SRP54: variants seen among roughly 807,000 people sequenced by gnomAD.
SRP54 encodes the protein signal recognition particle subunit SRP54.
A neutral mutation model predicts 64.8 loss-of-function variants in SRP54; 10 were observed. The observed-to-expected ratio is 0.15, with a 90% CI of 0.10 to 0.26. The LOEUF (loss-of-function observed/expected upper bound fraction) is 0.26. Ranked by LOEUF, SRP54 falls within the 10% of genes least tolerant of loss-of-function variation. SRP54 has a pLI of 1.00. For synonymous variants in SRP54, 193 were observed against 185.6 expected, an observed-to-expected ratio of 1.04 and a Z score of -0.32; for missense variants, 325 against 613.7, an observed-to-expected ratio of 0.53 and a Z score of 4.97.
Position 34,999,812 on chromosome 14 carries a change from C to T in SRP54, c.170+163C>T, listed in dbSNP as rs763984538. 4.8e-5 allele frequency: 23 copies of T among 483,926 alleles called. 1 individual carries two copies. The South Asian group carries it at 6.4e-4, about 13-fold the overall frequency. The allele number at this position is 483,926 out of a possible 1,614,324, so 30.0% of individuals were successfully genotyped here. On this transcript the variant is annotated intron_variant, in intron 3 of 15. Transcript: ENST00000216774. ...ATGTTGGGCGAGAGCATGTGTAGTA[C>T]GTTTCCATAATGATGGTTCAAAGAA...
rs1247901563 is a variant in SRP54, at chr14:35,011,359, G to C, written c.486-150G>C. The C allele has an allele frequency of 2.1e-5, 10 of 470,352 alleles. No individual in the cohort carries two copies. In the East Asian group the frequency reaches 3.6e-4, roughly 17 times the overall value. The allele number at this position is 470,352 out of a possible 1,614,324, so 29.1% of individuals were successfully genotyped here. A position where few individuals can be genotyped will look rare whatever the true frequency, so the allele number is the denominator to read the frequency against. ...TCATGCTTTTTTAGAAGTAGATTCT[G>C]TATTTAATACTTTATAGATTTTCCT... On this transcript the variant is annotated intron_variant, in intron 7 of 15. Coordinates refer to ENST00000216774, the MANE Select transcript of SRP54 (RefSeq NM_003136.4).
intron 11 of SRP54, among the ~76,000 whole-genome samples, chr14:35,015,264 A>C (rs149678412): frequency 6.6e-6 from 1 of 151,892 alleles, no homozygotes; most frequent in African/African-American, 2.4e-5. Context: ...TTTAGTAGAG[A>C]TGGGTTTTGC....
chr14:35,007,612 AAT>A (rs2044280640), intron 5 of SRP54, among the ~76,000 whole-genome samples: 1 of 138,752 alleles, frequency 7.2e-6, no homozygotes, highest in Admixed American at 7.6e-5. Flanking sequence ...ATTTACATAA[AAT>A]ATATTTTATT....
intron 7 of SRP54, among the ~76,000 whole-genome samples, chr14:35,009,357 C>CTTTTTTTTTTTTTTTTTTTTTTTTT (rs1555354421): frequency 6.6e-6 from 1 of 150,618 alleles, no homozygotes; most frequent in African/African-American, 2.4e-5. Flanking sequence ...CACACATGTT[C>CTTTTTTTTTTTTTTTTTTTTTTTTT]TTATTAAGTG....
intron 1 of SRP54, among the ~76,000 whole-genome samples, chr14:34,991,088 T>TG (rs2043967705): frequency 6.6e-6 from 1 of 151,232 alleles, no homozygotes; most frequent in Non-Finnish European, 1.5e-5. Context: ...TCCCTGCCCT[T>TG]GTGCAGGTTA....
intron 10 of SRP54, among the ~76,000 whole-genome samples, chr14:35,014,364 G>A (rs945398664): frequency 2.7e-5 from 4 of 149,792 alleles, no homozygotes; most frequent in African/African-American, 4.9e-5. Context: ...TGCACCTTCA[G>A]CCTCCCGGGT....
rs1400579593 is a variant in SRP54 at position 35,013,376 on chromosome 14, G to A, written c.667G>A (p.Ala223Thr). 1 of 1,613,818 alleles carries A rather than the reference G, an allele frequency of 6.2e-7. No homozygotes were observed. Among genetic ancestry groups the A allele is most frequent in the Non-Finnish European group, 8.5e-7 (1 of 1,179,954 alleles). The change falls in exon 9 of 16, where the codon GCC (alanine) becomes ACC (threonine). Residue 223 changes from alanine (A) to threonine (T), a missense_variant. Physicochemically the swap from Ala to Thr is moderately conservative, Grantham distance 58. Coordinates refer to ENST00000216774, the MANE Select transcript of SRP54 (RefSeq NM_003136.4). ...TGATAACATTGTTTATGTGATGGAT[G>A]CCTCCATTGGGCAGGCTTGTGAAGC... Reference protein sequence around the residue: ...QPDNIVYVMDASIGQACEAQA... With the variant: ...QPDNIVYVMDTSIGQACEAQA...
intron 1 of SRP54, among the ~76,000 whole-genome samples, chr14:34,988,981 T>C (rs1036743678): frequency 3.9e-5 from 6 of 152,032 alleles, no homozygotes; most frequent in African/African-American, 1.4e-4. Flanking sequence ...CTTAAGAAAA[T>C]ACTTGTTATA....
chr14:35,018,710 A>C lies in SRP54; in HGVS notation c.992A>C (p.Asp331Ala). Residue 331 changes from aspartate (D) to alanine (A), a missense_variant, in exon 12 of 16, where the codon GAC becomes GCC. By Grantham distance (126) the Asp-to-Ala change is moderately radical. Coordinates refer to ENST00000216774, the MANE Select transcript of SRP54 (RefSeq NM_003136.4). ...KLKHGQFTLR[D>A]MYEQFQNIMK... ...ATTTCAGGTCAGTTTACGTTGCGAG[A>C]CATGTATGAGCAATTTCAAAATATC... 1 of 1,613,470 alleles carries C rather than the reference A, an allele frequency of 6.2e-7. No individual in the cohort carries two copies. The highest frequency in any genetic ancestry group is 8.5e-7 in the Non-Finnish European group (1 of 1,179,770).
chr14:35,020,720 T>C (rs1336806978), intron 13 of SRP54, among the ~76,000 whole-genome samples: 2 of 152,238 alleles, frequency 1.3e-5, no homozygotes, highest in African/African-American at 4.8e-5. Context: ...GTAGAATTCA[T>C]AATTGCAGCA....
At chr14:34,996,432 A>G (rs2044074395) in intron 1 of SRP54, among the ~76,000 whole-genome samples, 1 of 152,198 alleles carries the variant, frequency 6.6e-6, no homozygotes, top group African/African-American at 2.4e-5. Context: ...AAAGTATGGT[A>G]TTTGACATGT....
At chr14:35,006,985 T>C (rs886794478) in intron 4 of SRP54, among the ~76,000 whole-genome samples, 2 of 152,112 alleles carry the variant, frequency 1.3e-5, no homozygotes, top group African/African-American at 4.8e-5. Flanking sequence ...ACCCAGAAGT[T>C]GGAAACCAGC....
intron 4 of SRP54, among the ~76,000 whole-genome samples, chr14:35,004,086 T>TA (rs550751190): frequency 0.016 from 2,149 of 135,308 alleles, 17 homozygotes; most frequent in South Asian, 0.04. Context: ...CTCTACTAAA[T>TA]AAAAAAAAAA....
rs763250184 is a variant in SRP54 at position 35,018,959 on chromosome 14, G to T, written c.1048-7G>T. The T allele has an allele frequency of 6.2e-7, 1 of 1,611,322 alleles. No individual in the cohort carries two copies. The highest frequency in any genetic ancestry group is 1.3e-5 in the African/African-American group (1 of 74,980). On this transcript the variant is annotated splice_region_variant and splice_polypyrimidine_tract_variant and intron_variant, in intron 12 of 15. Coordinates refer to ENST00000216774, the MANE Select transcript of SRP54 (RefSeq NM_003136.4). Reference sequence around the variant, plus strand: ...TACTATTGACTTTATGTTTAAATCTGTTGTAGGGGATGATCCCTGGTTTTG... The same window carrying T: ...TACTATTGACTTTATGTTTAAATCTTTTGTAGGGGATGATCCCTGGTTTTG...
intron 1 of SRP54, among the ~76,000 whole-genome samples, chr14:34,985,097 G>T (rs927176959): frequency 1.3e-5 from 2 of 152,172 alleles, no homozygotes; most frequent in African/African-American, 4.8e-5. Context: ...TTGGGAGGCT[G>T]AGGCTGGCAG....
At chr14:34,993,395 G>C (rs1222805135) in intron 1 of SRP54, 2 of 152,064 alleles carry the variant, frequency 1.3e-5, no homozygotes, top group Non-Finnish European at 2.9e-5. Context: ...TCCATGAGGT[G>C]GTTGGCTCTC....
intron 1 of SRP54, among the ~76,000 whole-genome samples, chr14:34,989,891 G>T (rs1431858860): frequency 6.6e-6 from 1 of 152,144 alleles, no homozygotes; most frequent in African/African-American, 2.4e-5. Context: ...TAACTACCTT[G>T]GTAATGGTAT....
At chr14:35,004,535 T>C (rs948623207) in intron 4 of SRP54, 7 of 152,212 alleles carry the variant, frequency 4.6e-5, no homozygotes, top group Non-Finnish European at 1.0e-4. Context: ...AAAGTTTATA[T>C]GGTTTCAGAT....
intron 5 of SRP54, among the ~76,000 whole-genome samples, chr14:35,007,859 G>A (rs1448925186): frequency 1.3e-5 from 2 of 150,564 alleles, no homozygotes; most frequent in Non-Finnish European, 3.0e-5. Context: ...GTTACTTGAT[G>A]TATGTTTTTA....
Sources: allele counts gnomAD v4.1 joint callset (sites outside exome capture counted in the v4.1 genomes callset), GRCh38; gene constraint gnomAD v4.1.1; transcripts MANE v1.5; gene names NCBI Gene and HGNC (gene_info 2026-07-23, HGNC 2026-07-21).